The following SH3RF3 variants were observed in gnomAD, a reference collection of about 807,000 sequenced individuals.
The protein encoded by SH3RF3 is SH3 domain containing ring finger 3.
In SH3RF3, 29 loss-of-function variants were observed where a neutral mutation model predicts 66.3. The ratio of observed to expected loss-of-function variants is 0.44; its 90% confidence interval spans 0.33 to 0.60. The LOEUF (loss-of-function observed/expected upper bound fraction) is 0.60. Ranked by LOEUF, SH3RF3 falls within the 20% of genes least tolerant of loss-of-function variation. SH3RF3 has a pLI of 0.04. For missense variants in SH3RF3, 1,194 were observed against 1,190.9 expected, an observed-to-expected ratio of 1.00 and a Z score of -0.04; for synonymous variants, 583 against 532.0, an observed-to-expected ratio of 1.10 and a Z score of -1.32.
chr2:109,368,091 TTTC>T (rs1360377523), intron 2 of SH3RF3, among the ~76,000 whole-genome samples: 1 of 152,378 alleles, frequency 6.6e-6, no homozygotes, highest in East Asian at 1.9e-4. Flanking sequence ...GAAATTTGTT[TTTC>T]TTCTTTCATG....
intron 8 of SH3RF3, among the ~76,000 whole-genome samples, chr2:109,452,710 C>T (rs1677914608): frequency 6.6e-6 from 1 of 152,190 alleles, no homozygotes; most frequent in South Asian, 2.1e-4. Flanking sequence ...TCCCAGGAGG[C>T]TGGTTCCCGG....
In SH3RF3 at chr2:109,449,401, G is replaced by C; in HGVS notation, c.2060G>C (p.Gly687Ala). Residue 687 changes from glycine to alanine, a missense_variant, in exon 8 of 10, where the codon GGG (glycine) becomes GCG (alanine). Gly to Ala is a moderately conservative substitution (Grantham distance 60). Coordinates refer to ENST00000309415, the MANE Select transcript of SH3RF3 (RefSeq NM_001099289.3). Reference protein sequence around the residue: ...PPNVSAANLNGEAGGGPIGVL... With the variant: ...PPNVSAANLNAEAGGGPIGVL... ...AACGTCAGTGCCGCAAACCTCAACG[G>C]GGAGGCTGGAGGGGGGCCCATCGGT... The C allele has an allele frequency of 6.2e-7, 1 of 1,613,338 alleles. No homozygotes were observed. Among genetic ancestry groups the C allele is most frequent in the Non-Finnish European group, 8.5e-7 (1 of 1,179,622 alleles).
intron 1 of SH3RF3, among the ~76,000 whole-genome samples, chr2:109,257,631 A>G (rs1289703191): frequency 6.6e-6 from 1 of 152,142 alleles, no homozygotes; most frequent in Non-Finnish European, 1.5e-5. Context: ...CATCCCATGA[A>G]GAAGACTTTC....
chr2:109,283,207 C>T (rs897757504), intron 1 of SH3RF3, among the ~76,000 whole-genome samples: 9 of 152,208 alleles, frequency 5.9e-5, no homozygotes, highest in African/African-American at 2.2e-4. Context: ...TGTTCGCTCC[C>T]TCCAGGCCCC....
At position 109,129,456 on chromosome 2, in the gene SH3RF3, G is replaced by A; in HGVS notation, c.-85G>A. 1 of 1,495,364 alleles carries A rather than the reference G, an allele frequency of 6.7e-7. No homozygotes were observed. The highest frequency in any genetic ancestry group is 1.2e-5 in the South Asian group (1 of 80,512). The allele number at this position is 1,495,364 out of a possible 1,614,324, so 92.6% of individuals were successfully genotyped here. A position where few individuals can be genotyped will look rare whatever the true frequency, so the allele number is the denominator to read the frequency against. Reference sequence around the variant, plus strand: ...AGTCACGGCGGAGCCCGGCTCCCCAGTCCTGATGCTGGCTGCCGGTGGCGG... The same window carrying A: ...AGTCACGGCGGAGCCCGGCTCCCCAATCCTGATGCTGGCTGCCGGTGGCGG... On this transcript the variant is annotated 5_prime_UTR_variant, in exon 1 of 10. Transcript: ENST00000309415.
chr2:109,347,502 C>T (rs1046007296), intron 1 of SH3RF3, among the ~76,000 whole-genome samples, 172 bp from the exon 2 acceptor site: 2 of 152,064 alleles, frequency 1.3e-5, no homozygotes, highest in Admixed American at 6.5e-5. Context: ...TCAGAATGTG[C>T]ATGTTCCTGT....
chr2:109,496,786 A>G (rs1558646718), intron 9 of SH3RF3, among the ~76,000 whole-genome samples: 2 of 151,962 alleles, frequency 1.3e-5, no homozygotes, highest in African/African-American at 2.4e-5. Context: ...GCAAAGAGAA[A>G]TCAGGTTGCA....
chr2:109,356,679 T>TA (rs1443847826), intron 2 of SH3RF3, among the ~76,000 whole-genome samples: 2 of 152,162 alleles, frequency 1.3e-5, no homozygotes, highest in Non-Finnish European at 2.9e-5. Flanking sequence ...TGCTGAACAC[T>TA]AGTAGTGATG....
intron 4 of SH3RF3, 83 bp downstream of exon 4, chr2:109,399,026 T>C: frequency 7.2e-7 from 1 of 1,396,264 alleles, no homozygotes; most frequent in South Asian, 1.4e-5. Flanking sequence ...CCCCCGTTCC[T>C]CAACTAGCAT....
chr2:109,207,590 T>G (rs1558958651), intron 1 of SH3RF3, among the ~76,000 whole-genome samples: 1 of 152,226 alleles, frequency 6.6e-6, no homozygotes, highest in Non-Finnish European at 1.5e-5. Flanking sequence ...ATATTGAAAT[T>G]GTGGAAAATA....
chr2:109,315,964 A>G (rs1304872097), intron 1 of SH3RF3, among the ~76,000 whole-genome samples: 3 of 152,214 alleles, frequency 2.0e-5, no homozygotes, highest in Non-Finnish European at 2.9e-5. Flanking sequence ...ATGCATTAGC[A>G]GAAGTCTTTT....
chr2:109,490,755 C>T lies in SH3RF3; in HGVS notation c.2299C>T (p.Leu767=). 6.5e-7 allele frequency: 1 copy of T among 1,536,594 alleles called. No homozygotes were observed. Among genetic ancestry groups the T allele is most frequent in the South Asian group, 1.2e-5 (1 of 84,018 alleles). ...QGAVGPEVSS[L]SIHGRAGSCP... ...TGCAGTGGGCCCCGAAGTGTCCTCA[C>T]TGTCCATCCACGGCAGGGCAGGGTC... is the stretch of plus-strand genomic sequence containing the variant. Residue 767 remains leucine (L), a synonymous_variant, in exon 9 of 10, where the codon CTG becomes TTG. Coordinates refer to ENST00000309415, the MANE Select transcript of SH3RF3 (RefSeq NM_001099289.3).
intron 4 of SH3RF3, among the ~76,000 whole-genome samples, chr2:109,417,565 G>T (rs376251576): frequency 2.0e-5 from 3 of 152,166 alleles, no homozygotes; most frequent in South Asian, 4.1e-4. Context: ...ACAGGACCCC[G>T]ACAGCCTCTG....
chr2:109,502,448 A>G lies in SH3RF3; in HGVS notation c.*777A>G, dbSNP rs760752796. ...CTAATAATGACTTGGTTGAGCTTGA[A>G]AGAAAAGATGTCTGAGGCGACATCA... On this transcript the variant is annotated 3_prime_UTR_variant, in exon 10 of 10. Transcript: ENST00000309415. 1 of 152,202 alleles carries G rather than the reference A, an allele frequency of 6.6e-6. No homozygotes were observed. The highest frequency in any genetic ancestry group is 6.5e-5 in the Admixed American group (1 of 15,286). The allele number at this position is 152,202 out of a possible 1,614,324, so 9.4% of individuals were successfully genotyped here. A position where few individuals can be genotyped will look rare whatever the true frequency, so the allele number is the denominator to read the frequency against.
At chr2:109,161,605 C>G (rs757199886) in intron 1 of SH3RF3, among the ~76,000 whole-genome samples, 1 of 151,926 alleles carries the variant, frequency 6.6e-6, no homozygotes, top group Non-Finnish European at 1.5e-5. Flanking sequence ...CACAATTCTG[C>G]TGACTGGAAG....
At chr2:109,329,333 A>G (rs989684986) in intron 1 of SH3RF3, among the ~76,000 whole-genome samples, 3 of 152,244 alleles carry the variant, frequency 2.0e-5, no homozygotes, top group African/African-American at 7.2e-5. Flanking sequence ...AGAGGAAAAG[A>G]CTTTTGCATT....
At chr2:109,291,004 C>G (rs573446630) in intron 1 of SH3RF3, among the ~76,000 whole-genome samples, 2 of 152,362 alleles carry the variant, frequency 1.3e-5, no homozygotes, top group East Asian at 3.9e-4. Context: ...GATGAGCTGA[C>G]TGCCTGGAGC....
At chr2:109,294,944 C>G (rs1387252767) in intron 1 of SH3RF3, among the ~76,000 whole-genome samples, 3 of 152,226 alleles carry the variant, frequency 2.0e-5, no homozygotes, top group African/African-American at 7.2e-5. Context: ...ACAGCACTTT[C>G]CCAGTTGTTC....
At chr2:109,305,977 G>A (rs181921492) in intron 1 of SH3RF3, among the ~76,000 whole-genome samples, 1 of 152,332 alleles carries the variant, frequency 6.6e-6, no homozygotes, top group African/African-American at 2.4e-5. Context: ...GGTATTTAGT[G>A]AGCACAGTAG....
Sources: gnomAD v4.1 joint callset for allele counts (sites outside exome capture counted in the v4.1 genomes callset) on GRCh38, gnomAD v4.1.1 for gene constraint, MANE v1.5 for transcripts, NCBI Gene and HGNC (gene_info 2026-07-23, HGNC 2026-07-21) for gene names.